AKAP6: variants seen among roughly 807,000 people sequenced by gnomAD.
AKAP6 encodes A-kinase anchoring protein 6, also known as A-kinase anchor protein 6.
Under a neutral mutation model 188.5 loss-of-function variants are expected in AKAP6, and 58 were observed. The observed-to-expected ratio is 0.31, with a 90% confidence interval of 0.25 to 0.38. AKAP6 has a LOEUF of 0.38. Among genes scored for constraint, AKAP6 ranks in the 10% least tolerant of loss-of-function variants. The pLI is 1.00. For synonymous variants in AKAP6, 989 were observed against 998.6 expected, an observed-to-expected ratio of 0.99 and a Z score of 0.18; for missense variants, 2,710 against 2,740.0, an observed-to-expected ratio of 0.99 and a Z score of 0.24.
At chr14:32,482,718 A>C (rs952155051) in intron 2 of AKAP6, among the ~76,000 whole-genome samples, 1 of 152,208 alleles carries the variant, frequency 6.6e-6, no homozygotes. Flanking sequence ...TATCTTCTAC[A>C]TAAATGTATT....
chr14:32,741,282 T>G (rs1263161388), intron 11 of AKAP6, among the ~76,000 whole-genome samples: 1 of 152,012 alleles, frequency 6.6e-6, no homozygotes, highest in African/African-American at 2.4e-5. Context: ...GAGTCTAGGT[T>G]TTTTCAAATG....
intron 1 of AKAP6, among the ~76,000 whole-genome samples, chr14:32,343,241 T>G (rs1886950431): frequency 6.6e-6 from 1 of 152,008 alleles, no homozygotes; most frequent in Non-Finnish European, 1.5e-5. Context: ...ATACCTTCCT[T>G]GTCAAGACTT....
chr14:32,660,350 C>G (rs1032312813), intron 7 of AKAP6, among the ~76,000 whole-genome samples: 12 of 152,094 alleles, frequency 7.9e-5, no homozygotes, highest in Admixed American at 7.9e-4. Flanking sequence ...ATTAAGGTAG[C>G]AGATGGCAGA....
chr14:32,509,493 C>CT (rs1042344431), intron 2 of AKAP6, among the ~76,000 whole-genome samples: 28 of 151,914 alleles, frequency 1.8e-4, no homozygotes, highest in East Asian at 1.2e-3. Context: ...TCTTTTCTAA[C>CT]TTTTTTTTGT....
intron 7 of AKAP6, among the ~76,000 whole-genome samples, chr14:32,610,765 G>A (rs1215397770): frequency 6.6e-6 from 1 of 152,050 alleles, no homozygotes; most frequent in African/African-American, 2.4e-5. Flanking sequence ...AAAATATGAG[G>A]GACATCGAAA....
intron 1 of AKAP6, among the ~76,000 whole-genome samples, chr14:32,368,381 A>G (rs1273474560): frequency 6.6e-6 from 1 of 152,194 alleles, no homozygotes; most frequent in Non-Finnish European, 1.5e-5. Flanking sequence ...TCACAGAACA[A>G]ACAGACTACC....
At chr14:32,632,488 C>G (rs893586686) in intron 7 of AKAP6, among the ~76,000 whole-genome samples, 1 of 152,052 alleles carries the variant, frequency 6.6e-6, no homozygotes, top group Non-Finnish European at 1.5e-5. Context: ...AGACCATTTT[C>G]TAATTAAATG....
chr14:32,703,415 T>G (rs1890694135), intron 9 of AKAP6, among the ~76,000 whole-genome samples: 1 of 152,166 alleles, frequency 6.6e-6, no homozygotes, highest in Non-Finnish European at 1.5e-5. Flanking sequence ...GGAGTTTCCT[T>G]GGCAACAGAA....
In AKAP6 at chr14:32,535,003, A is replaced by C. The variant is rs539561694; in HGVS notation, c.325-551A>C. On this transcript the variant is annotated intron_variant, in intron 2 of 13. Coordinates refer to ENST00000280979, the MANE Select transcript of AKAP6 (RefSeq NM_004274.5). ...CAAAAACAAACCAAAAAAAAAAAAA[A>C]AACACTGAATTTGAATATTAAGTTG... 2.1e-3 allele frequency among the ~76,000 whole-genome samples: 317 copies of C among 151,926 alleles called. 2 individuals are homozygous for C. The highest frequency in any genetic ancestry group is 6.7e-3 in the African/African-American group (276 of 41,444).
chr14:32,701,668 G>C (rs905064133), intron 9 of AKAP6, among the ~76,000 whole-genome samples: 15 of 152,106 alleles, frequency 9.9e-5, no homozygotes, highest in African/African-American at 3.1e-4. Flanking sequence ...TGATGTCATA[G>C]ATATGAACTA....
intron 11 of AKAP6, among the ~76,000 whole-genome samples, chr14:32,767,062 T>G (rs2139968545): frequency 6.6e-6 from 1 of 152,310 alleles, no homozygotes; most frequent in Non-Finnish European, 1.5e-5. Context: ...TTGAAAAAAC[T>G]ATTCTTTCCT....
At chr14:32,481,643 A>T (rs920191784) in intron 2 of AKAP6, among the ~76,000 whole-genome samples, 1 of 152,144 alleles carries the variant, frequency 6.6e-6, no homozygotes, top group Non-Finnish European at 1.5e-5. Flanking sequence ...CCCATGATTC[A>T]ATTACCTCCC....
At chr14:32,767,127 A>C (rs1393149392) in intron 11 of AKAP6, among the ~76,000 whole-genome samples, 1 of 152,162 alleles carries the variant, frequency 6.6e-6, no homozygotes, top group East Asian at 1.9e-4. Flanking sequence ...AAGGTATCTT[A>C]TATTTAATCT....
chr14:32,366,225 C>T (rs143422792), intron 1 of AKAP6, among the ~76,000 whole-genome samples: 41 of 152,220 alleles, frequency 2.7e-4, no homozygotes, highest in South Asian at 6.2e-4. Context: ...TTCATCCTGT[C>T]GCTGCCCACT....
In AKAP6 at chr14:32,546,850, A is replaced by G. The variant is rs760212566; in HGVS notation, c.2197A>G (p.Met733Val). 3 of 1,613,966 alleles carry G rather than the reference A, an allele frequency of 1.9e-6. No individual in the cohort carries two copies. The highest frequency in any genetic ancestry group is 2.5e-6 in the Non-Finnish European group (3 of 1,180,004). ...DEESSMPLAGMKKYADEKSER... is the reference protein window; with the variant it reads ...DEESSMPLAGVKKYADEKSER... ...GGAGTCCAGTATGCCTCTCGCTGGC[A>G]TGAAAAAGTATGCTGATGAGAAGTC... Residue 733 changes from methionine (M) to valine (V), a missense_variant, in exon 4 of 14, where the codon ATG becomes GTG. Transcript: ENST00000280979.
intron 2 of AKAP6, among the ~76,000 whole-genome samples, chr14:32,519,704 T>C (rs1467995807): frequency 1.3e-5 from 2 of 152,078 alleles, no homozygotes; most frequent in African/African-American, 2.4e-5. Context: ...AGCAAGTCCT[T>C]AGAGACCTAC....
rs998283605 is a variant in AKAP6, at chr14:32,448,149, G to A, written c.324+14332G>A. 3.8e-4 allele frequency among the ~76,000 whole-genome samples: 58 copies of A among 152,264 alleles called. 1 individual carries two copies. Among genetic ancestry groups the A allele is most frequent in the African/African-American group, 7.5e-4 (31 of 41,556 alleles). On this transcript the variant is annotated intron_variant, in intron 2 of 13. Transcript: ENST00000280979. The stretch of plus-strand genomic sequence containing the variant: ...TTGCCTGGACTAGAACCAAAATCTG[G>A]CATCCACATCTTATTACTAACTTTA...
At chr14:32,350,661 A>G (rs1054060210) in intron 1 of AKAP6, among the ~76,000 whole-genome samples, 40 of 152,220 alleles carry the variant, frequency 2.6e-4, no homozygotes, top group African/African-American at 9.4e-4. Flanking sequence ...GATGTTAACA[A>G]TGGAGGAAAC....
chr14:32,670,930 T>G (rs1266367979), intron 7 of AKAP6, among the ~76,000 whole-genome samples: 1 of 152,172 alleles, frequency 6.6e-6, no homozygotes, highest in Non-Finnish European at 1.5e-5. Flanking sequence ...CAGTAAAATT[T>G]ATTCAATTTG....
Sources: gnomAD v4.1 joint callset for allele counts (sites outside exome capture counted in the v4.1 genomes callset) on GRCh38, gnomAD v4.1.1 for gene constraint, MANE v1.5 for transcripts, NCBI Gene and HGNC (gene_info 2026-07-23, HGNC 2026-07-21) for gene names.